PCDHGA2: variants seen among roughly 807,000 people sequenced by gnomAD.
The protein encoded by PCDHGA2 is protocadherin gamma subfamily A, 2, also known as protocadherin gamma-A2.
A neutral mutation model predicts 59.2 loss-of-function variants in PCDHGA2; 40 were observed. That is an observed-to-expected ratio of 0.68 (90% CI 0.52 to 0.88). The LOEUF (loss-of-function observed/expected upper bound fraction) is 0.88. PCDHGA2 is among the 40% of genes least tolerant of loss of function. The probability of loss-of-function intolerance (pLI) is 0.00; values close to 1 mark genes in which losing one functional copy is unlikely to be tolerated. For synonymous variants in PCDHGA2, 560 were observed against 526.0 expected, an observed-to-expected ratio of 1.06 and a Z score of -0.89; for missense variants, 1,226 against 1,204.0, an observed-to-expected ratio of 1.02 and a Z score of -0.27.
At chr5:141,364,213 C>A (rs1212511912) in intron 1 of PCDHGA2, 4 of 1,275,024 alleles carry the variant, frequency 3.1e-6, no homozygotes, top group East Asian at 2.6e-5. Context: ...CAAGCTCCTA[C>A]GAAAAGCCAA....
intron 1 of PCDHGA2, chr5:141,415,330 A>G (rs1326574664): frequency 1.2e-6 from 2 of 1,614,094 alleles, no homozygotes; most frequent in African/African-American, 2.7e-5. Context: ...GCTGGCGCAC[A>G]GGCTGCGGCG....
At chr5:141,383,064 G>A (rs1384491005) in intron 1 of PCDHGA2, 1 of 1,613,928 alleles carries the variant, frequency 6.2e-7, no homozygotes, top group Non-Finnish European at 8.5e-7. Flanking sequence ...TGGGGCTGGA[G>A]CCCCGGGAGC....
rs189734474 is a variant in PCDHGA2, at chr5:141,512,858, G to T, written c.*1685G>T. 1 of 152,296 alleles carries T rather than the reference G, an allele frequency of 6.6e-6. No individual in the cohort carries two copies. The highest frequency in any genetic ancestry group is 1.9e-4 in the East Asian group (1 of 5,182). 9.4% of individuals were successfully genotyped at this position (152,296 alleles called of 1,614,324 possible). ...ACTTCTCCTATAAGCGCTTCTCTTC[G>T]CATAGTCACGTAGCTCCCACCCCAC... On this transcript the variant is annotated 3_prime_UTR_variant, in exon 4 of 4. Coordinates refer to ENST00000394576, the MANE Select transcript of PCDHGA2 (RefSeq NM_018915.4).
chr5:141,361,653 C>A, intron 1 of PCDHGA2: 2 of 1,613,770 alleles, frequency 1.2e-6, no homozygotes, highest in Non-Finnish European at 1.7e-6. Context: ...CCTACGTGTC[C>A]GTGAGCGCGC....
Position 141,432,108 on chromosome 5 carries a change from C to G in PCDHGA2, c.2425-62699C>G. ...GTGGCAGACACCAACGACAACCCGC[C>G]GGTCTTCCCTCAGGCCTCCTATTCC... On this transcript the variant is annotated intron_variant, in intron 1 of 3. Coordinates refer to ENST00000394576, the MANE Select transcript of PCDHGA2 (RefSeq NM_018915.4). The surrounding 1 kb of genome is among the most constrained non-coding windows in gnomAD (Gnocchi z 6.0). 4 of 1,614,180 alleles carry G rather than the reference C, an allele frequency of 2.5e-6. No homozygotes were observed. The highest frequency in any genetic ancestry group is 3.4e-6 in the Non-Finnish European group (4 of 1,180,046).
At chr5:141,510,349 C>T (rs1461596705) in intron 3 of PCDHGA2, among the ~76,000 whole-genome samples, 1 of 148,468 alleles carries the variant, frequency 6.7e-6, no homozygotes, top group Non-Finnish European at 1.5e-5. Context: ...CACACACTTA[C>T]TAACGGAACT....
At chr5:141,385,316 G>T in intron 1 of PCDHGA2, 2 of 1,610,350 alleles carry the variant, frequency 1.2e-6, no homozygotes, top group Non-Finnish European at 1.7e-6. Flanking sequence ...AACCTGCCAA[G>T]TATTCAGGTG....
At chr5:141,389,266 A>C in intron 1 of PCDHGA2, 1 of 1,614,022 alleles carries the variant, frequency 6.2e-7, no homozygotes, top group Non-Finnish European at 8.5e-7. Flanking sequence ...CACGTGGCCG[A>C]GAACAACCCG....
chr5:141,446,482 CT>C (rs112180482), intron 1 of PCDHGA2, among the ~76,000 whole-genome samples: 30,290 of 146,632 alleles, frequency 0.21, 3,322 homozygotes, highest in African/African-American at 0.31. Flanking sequence ...GGTCATCATT[CT>C]TTTTTTTTTT....
intron 1 of PCDHGA2, among the ~76,000 whole-genome samples, chr5:141,444,838 T>G (rs2098448876): frequency 6.6e-6 from 1 of 152,214 alleles, no homozygotes; most frequent in African/African-American, 2.4e-5. Context: ...AGCTTTATAG[T>G]AAGTCTTGCT....
chr5:141,414,371 A>G (rs1447111430), intron 1 of PCDHGA2: 1 of 1,613,954 alleles, frequency 6.2e-7, no homozygotes, highest in South Asian at 1.1e-5. Flanking sequence ...TTTAAATTAG[A>G]AAAGTCCATT....
intron 1 of PCDHGA2, chr5:141,351,561 T>A (rs767147157): frequency 1.2e-6 from 2 of 1,614,004 alleles, no homozygotes; most frequent in Non-Finnish European, 8.5e-7. Flanking sequence ...AGGACAAGCA[T>A]CACCCTGCAC....
rs143168452 is a variant in PCDHGA2 at position 141,504,127 on chromosome 5, C to T, written c.2484-1266C>T. Among the ~76,000 whole-genome samples the T allele has an allele frequency of 1.3e-3, 195 of 152,220 alleles. 2 individuals carry two copies. The highest frequency in any genetic ancestry group is 4.4e-3 in the African/African-American group (181 of 41,520). On this transcript the variant is annotated intron_variant, in intron 2 of 3. Transcript: ENST00000394576. ...CTGTGTGTGTGCCAGGGCTGTTTCC[C>T]GCCAACACTCCCCTGCAAATTGAAA...
In PCDHGA2 at chr5:141,485,974, A is replaced by G. The variant is rs755735500; in HGVS notation, c.2425-8833A>G. 1.9e-6 allele frequency: 3 copies of G among 1,614,108 alleles called. No homozygotes were observed. The highest frequency in any genetic ancestry group is 1.7e-5 in the Admixed American group (1 of 60,014). On this transcript the variant is annotated intron_variant, in intron 1 of 3. Coordinates refer to ENST00000394576, the MANE Select transcript of PCDHGA2 (RefSeq NM_018915.4). This position sits in a 1 kb window ranked among gnomAD's most constrained non-coding sequence, Gnocchi z 5.7. ...TGGTGCTCATCCAGCTCAATGCCTC[A>G]GACCCGGACCTGGGTCCCAGTGGTA...
At chr5:141,410,487 A>G in intron 1 of PCDHGA2, 1 of 1,613,970 alleles carries the variant, frequency 6.2e-7, no homozygotes, top group Non-Finnish European at 8.5e-7. Context: ...ACGGGTACAA[A>G]AGAGTTTAAT....
intron 1 of PCDHGA2, chr5:141,422,386 A>G: frequency 1.3e-6 from 2 of 1,587,922 alleles, no homozygotes; most frequent in Non-Finnish European, 1.7e-6. Flanking sequence ...CTCCTGTTTT[A>G]TTCCTAACCA....
intron 1 of PCDHGA2, among the ~76,000 whole-genome samples, chr5:141,349,009 G>C (rs1279554227): frequency 6.6e-6 from 1 of 152,148 alleles, no homozygotes; most frequent in East Asian, 1.9e-4. Flanking sequence ...ATATTTACCA[G>C]TGGTCAAGTC....
chr5:141,390,587 A>T (rs1043489470), intron 1 of PCDHGA2: 1 of 340,604 alleles, frequency 2.9e-6, no homozygotes, highest in Non-Finnish European at 5.3e-6. Flanking sequence ...AAAGTGAATG[A>T]GATTTTTCCT....
At chr5:141,360,289 A>G in intron 1 of PCDHGA2, 6 of 1,613,996 alleles carry the variant, frequency 3.7e-6, no homozygotes, top group Middle Eastern at 1.6e-4. Flanking sequence ...AAACCTCGCC[A>G]AGGATCTGGG....
Sources: gnomAD v4.1 joint callset for allele counts (sites outside exome capture counted in the v4.1 genomes callset) on GRCh38, gnomAD v4.1.1 for gene constraint, Gnocchi (gnomAD v3.1) non-coding constraint, MANE v1.5 for transcripts, NCBI Gene and HGNC (gene_info 2026-07-23, HGNC 2026-07-21) for gene names.